Variants in RBFOX1 observed in about 807,000 individuals in gnomAD.
RBFOX1 encodes the protein RNA binding fox-1 homolog 1, also known as RNA binding protein fox-1 homolog 1.
Under a neutral mutation model 57.7 loss-of-function variants are expected in RBFOX1, and 8 were observed. The ratio of observed to expected loss-of-function variants is 0.14; its 90% CI spans 0.08 to 0.25. The LOEUF (loss-of-function observed/expected upper bound fraction) is 0.25. Among genes scored for constraint, RBFOX1 ranks in the 10% least tolerant of loss-of-function variants. The probability of loss-of-function intolerance (pLI) is 1.00; values close to 1 mark genes in which losing one functional copy is unlikely to be tolerated. For missense variants in RBFOX1, 611 were observed against 548.5 expected (o/e 1.11, Z -1.14); for synonymous variants, 326 against 222.4 (o/e 1.47, Z -4.15).
intron 4 of RBFOX1, among the ~76,000 whole-genome samples, chr16:7,194,442 G>C (rs7205772): frequency 6.6e-6 from 1 of 151,990 alleles, no homozygotes; most frequent in African/African-American, 2.4e-5. Flanking sequence ...CAGGATGACC[G>C]TCTAGTGACT....
rs557996232 is a variant in RBFOX1, at chr16:6,028,424, A to C, written c.-127+8432A>C. 2.1e-4 allele frequency among the ~76,000 whole-genome samples: 32 copies of C among 151,172 alleles called. 1 individual carries two copies. The highest frequency in any genetic ancestry group is 6.6e-4 in the Admixed American group (10 of 15,136). ...ATGGTGGCTCCTGCCTGCAATCCCA[A>C]CACTTTGGGAGGCTGAGGCAGGAAG... is the stretch of plus-strand genomic sequence containing the variant. On this transcript the variant is annotated intron_variant, in intron 1 of 15. Coordinates refer to ENST00000550418, the MANE Select transcript of RBFOX1 (RefSeq NM_018723.4).
chr16:6,745,223 G>T (rs1242991282), intron 3 of RBFOX1, among the ~76,000 whole-genome samples: 8 of 151,978 alleles, frequency 5.3e-5, no homozygotes, highest in African/African-American at 1.9e-4. Context: ...AAGCCCAGAT[G>T]ACTTTGTTAA....
chr16:7,146,589 A>G (rs1275949329), intron 4 of RBFOX1, among the ~76,000 whole-genome samples: 3 of 152,164 alleles, frequency 2.0e-5, no homozygotes, highest in African/African-American at 7.2e-5. Context: ...AGCAAGAAGA[A>G]TAAGCTTATG....
At chr16:6,228,322 C>G (rs559814598) in intron 1 of RBFOX1, among the ~76,000 whole-genome samples, 1 of 151,506 alleles carries the variant, frequency 6.6e-6, no homozygotes, top group Non-Finnish European at 1.5e-5. Context: ...GACTCCTTGT[C>G]AAAAATAAAA....
chr16:6,052,804 T>TA (rs1333699113), intron 1 of RBFOX1, among the ~76,000 whole-genome samples: 3 of 144,238 alleles, frequency 2.1e-5, no homozygotes, highest in African/African-American at 7.7e-5. Flanking sequence ...TAAAATAAAA[T>TA]ATAATAATAA....
chr16:6,924,983 C>A (rs1320595152), intron 3 of RBFOX1, among the ~76,000 whole-genome samples: 2 of 151,524 alleles, frequency 1.3e-5, no homozygotes, highest in Non-Finnish European at 2.9e-5. Context: ...TGATGGTTTC[C>A]AGTTTCATCC....
Position 6,373,154 on chromosome 16 carries a change from A to G in RBFOX1, c.-64+56097A>G, listed in dbSNP as rs938623934. Reference sequence around the variant, plus strand: ...CTGTATGGGAGGATTGTTGTTTAGGATCTTTGGGTAGGAGGATGTTTGGGT... The same window carrying G: ...CTGTATGGGAGGATTGTTGTTTAGGGTCTTTGGGTAGGAGGATGTTTGGGT... On this transcript the variant is annotated intron_variant, in intron 2 of 15. Coordinates refer to ENST00000550418, the MANE Select transcript of RBFOX1 (RefSeq NM_018723.4). Among the ~76,000 whole-genome samples the G allele has an allele frequency of 1.1e-3, 166 of 151,832 alleles. 2 individuals are homozygous for G. Among genetic ancestry groups the G allele is most frequent in the African/African-American group, 3.8e-3 (158 of 41,270 alleles).
intron 1 of RBFOX1, among the ~76,000 whole-genome samples, chr16:5,346,686 A>T (rs893956726): frequency 1.3e-5 from 2 of 152,172 alleles, no homozygotes; most frequent in African/African-American, 2.4e-5. Flanking sequence ...GAGTGAGATG[A>T]AACAGCTTTG....
In RBFOX1 at chr16:7,417,372, C is replaced by CAAAAAAAAAA. The variant is rs369698520; in HGVS notation, c.28-100772_28-100771insAAAAAAAAAA. On this transcript the variant is annotated intron_variant, in intron 4 of 15. Coordinates refer to ENST00000550418, the MANE Select transcript of RBFOX1 (RefSeq NM_018723.4). ...TGGGCAACAGAGCGAGACTCTGTGT[C>CAAAAAAAAAA]AAAGAAAAAAAAAAAAAAGAGATGA... is the stretch of plus-strand genomic sequence containing the variant. Among the ~76,000 whole-genome samples, 6 of 122,662 alleles carry CAAAAAAAAAA rather than the reference C, an allele frequency of 4.9e-5. 1 individual carries two copies. Among genetic ancestry groups the CAAAAAAAAAA allele is most frequent in the African/African-American group, 1.3e-4 (4 of 31,662 alleles). The allele number at this position is 122,662 out of a possible 152,430, so 80.5% of individuals were successfully genotyped here.
intron 1 of RBFOX1, among the ~76,000 whole-genome samples, chr16:5,290,936 G>C (rs1330385796): frequency 2.0e-5 from 3 of 152,086 alleles, no homozygotes; most frequent in Non-Finnish European, 4.4e-5. Context: ...TGGATCTCAG[G>C]TGATGCACCC....
intron 3 of RBFOX1, among the ~76,000 whole-genome samples, chr16:5,642,088 C>T (rs1176057877): frequency 2.6e-5 from 4 of 152,106 alleles, no homozygotes; most frequent in Non-Finnish European, 5.9e-5. Context: ...TAGGGAAAGT[C>T]ACTGAGGATC....
chr16:6,669,055 T>C (rs1376885078), intron 3 of RBFOX1, among the ~76,000 whole-genome samples: 2 of 152,246 alleles, frequency 1.3e-5, no homozygotes, highest in Admixed American at 1.3e-4. Context: ...CTTCACACTT[T>C]AGATAGAAAG....
intron 3 of RBFOX1, among the ~76,000 whole-genome samples, chr16:5,771,347 C>G (rs542974946): frequency 1.3e-5 from 2 of 152,316 alleles, no homozygotes; most frequent in South Asian, 2.1e-4. Context: ...GAACTCTATT[C>G]TAGTCAAACC....
At chr16:7,386,171 G>A (rs75929121) in intron 4 of RBFOX1, among the ~76,000 whole-genome samples, 2,293 of 152,162 alleles carry the variant, frequency 0.015, 59 homozygotes, top group African/African-American at 0.053. Context: ...AGAGATATCA[G>A]ATGTAGGGCA....
chr16:7,679,301 T>A (rs959035736), intron 14 of RBFOX1, among the ~76,000 whole-genome samples: 2 of 152,206 alleles, frequency 1.3e-5, no homozygotes, highest in African/African-American at 4.8e-5. Flanking sequence ...TACCTATAAT[T>A]TCTCTCAGAA....
chr16:5,677,149 C>T (rs894437333), intron 3 of RBFOX1, among the ~76,000 whole-genome samples: 1 of 152,180 alleles, frequency 6.6e-6, no homozygotes, highest in Non-Finnish European at 1.5e-5. Context: ...GAAGTTGAAC[C>T]CAGGCCTCTG....
rs373349113 is a variant in RBFOX1, at chr16:7,597,427, A to G, written c.618A>G (p.Thr206=). The G allele has an allele frequency of 8.1e-6, 13 of 1,606,202 alleles. No individual in the cohort carries two copies. The African/African-American group carries it at 1.5e-4, about 18-fold the overall frequency. ...MTNKKTVNPY[T]NGWKLNPVVG... ...ATAAAAAGACCGTCAACCCTTATAC[A>G]AATGGTAAGTAGAGATTGGCCTTTT... Residue 206 remains threonine, a synonymous_variant, in exon 9 of 16, where the codon ACA becomes ACG. Transcript: ENST00000550418.
chr16:6,717,475 C>G (rs191249449), intron 3 of RBFOX1, among the ~76,000 whole-genome samples: 19 of 152,204 alleles, frequency 1.2e-4, no homozygotes, highest in Admixed American at 8.5e-4. Context: ...TTACGTTAAA[C>G]TCAAAAACTC....
At chr16:5,590,005 G>A (rs917474146) in intron 2 of RBFOX1, among the ~76,000 whole-genome samples, 4 of 151,876 alleles carry the variant, frequency 2.6e-5, no homozygotes, top group East Asian at 1.9e-4. Flanking sequence ...GCCTCTTGAC[G>A]ACTTAGACAA....
Sources: allele counts gnomAD v4.1 joint callset (sites outside exome capture counted in the v4.1 genomes callset), GRCh38; gene constraint gnomAD v4.1.1; transcripts MANE v1.5; gene names NCBI Gene and HGNC (gene_info 2026-07-23, HGNC 2026-07-21).